The following TLK2 variants were observed in gnomAD, a reference collection of about 807,000 sequenced individuals.
TLK2 encodes the protein serine/threonine-protein kinase tousled-like 2.
Under a neutral mutation model 117.3 loss-of-function variants are expected in TLK2, and 6 were observed. The observed-to-expected ratio is 0.05, with a 90% CI of 0.03 to 0.10. The LOEUF (loss-of-function observed/expected upper bound fraction) is 0.10. Ranked by LOEUF, TLK2 falls within the 10% of genes least tolerant of loss-of-function variation. The pLI is 1.00. For missense variants in TLK2, 299 were observed against 901.2 expected (o/e 0.33, Z 8.56); for synonymous variants, 257 against 316.7 (o/e 0.81, Z 2.00).
At chr17:62,506,976 CT>C (rs2074748660) in intron 2 of TLK2, among the ~76,000 whole-genome samples, 1 of 152,060 alleles carries the variant, frequency 6.6e-6, no homozygotes, top group Non-Finnish European at 1.5e-5. Context: ...ACTGTAATAG[CT>C]CATTTTCCAC....
intron 7 of TLK2, among the ~76,000 whole-genome samples, chr17:62,549,418 A>AAAAAAAAG (rs2078229553): frequency 1.2e-3 from 10 of 8,536 alleles, no homozygotes; most frequent in African/African-American, 1.5e-3. Context: ...AAAAAAAAAA[A>AAAAAAAAG]AAAAAAAAAA....
intron 10 of TLK2, among the ~76,000 whole-genome samples, chr17:62,562,243 T>G (rs755759889): frequency 6.6e-6 from 1 of 152,090 alleles, no homozygotes; most frequent in Non-Finnish European, 1.5e-5. Flanking sequence ...GCCTGTAATC[T>G]TAGCTACTCT....
chr17:62,475,288 TTC>T (rs1381888908), upstream of TLK2, among the ~76,000 whole-genome samples: 15 of 152,152 alleles, frequency 9.9e-5, no homozygotes, highest in African/African-American at 3.4e-4. Context: ...TGGAACCCAG[TTC>T]TGTCATACCA....
intron 19 of TLK2, 109 bp from the exon 20 acceptor site, chr17:62,606,021 A>C (rs2083272308): frequency 4.1e-6 from 2 of 482,110 alleles, no homozygotes; most frequent in Non-Finnish European, 6.8e-6. Flanking sequence ...AAAAAAAAAA[A>C]AAAAACGATA....
intron 7 of TLK2, 189 bp from the exon 8 acceptor site, chr17:62,552,113 T>C: frequency 3.5e-6 from 3 of 852,190 alleles, no homozygotes; most frequent in East Asian, 5.5e-5. Flanking sequence ...TAAACCACCA[T>C]GTCCAGCCCT....
At chr17:62,559,859 A>G (rs1406430200) in intron 9 of TLK2, among the ~76,000 whole-genome samples, 157 bp from the exon 10 acceptor site, 1 of 152,224 alleles carries the variant, frequency 6.6e-6, no homozygotes, top group Non-Finnish European at 1.5e-5. Context: ...TGAATTATTT[A>G]CTTTTTCTAA....
intron 2 of TLK2, among the ~76,000 whole-genome samples, chr17:62,488,311 A>G (rs1301180235): frequency 2.0e-5 from 3 of 152,224 alleles, no homozygotes; most frequent in Admixed American, 1.3e-4. Context: ...ACTTCTGAAA[A>G]GGTATTTAAC....
intron 2 of TLK2, among the ~76,000 whole-genome samples, chr17:62,497,176 A>G (rs1291601510): frequency 2.0e-5 from 3 of 151,950 alleles, no homozygotes; most frequent in Non-Finnish European, 4.4e-5. Flanking sequence ...AAGTGAGAGG[A>G]TTACCTGAGT....
intron 6 of TLK2, among the ~76,000 whole-genome samples, chr17:62,529,750 A>G (rs2076614690): frequency 1.3e-5 from 2 of 152,060 alleles, no homozygotes; most frequent in Non-Finnish European, 2.9e-5. Flanking sequence ...TAGATATATC[A>G]TTGTTTAATG....
rs754425170 is a variant in TLK2, at chr17:62,562,098, G to A, written c.831+1972G>A. On this transcript the variant is annotated intron_variant, in intron 10 of 21. Coordinates refer to ENST00000346027, the MANE Select transcript of TLK2 (RefSeq NM_006852.6). ...AAATGGACTGGGTGTGGTGGCTCAC[G>A]CCTGTAATCCCAGCACTTTGGGAGG... Among the ~76,000 whole-genome samples the A allele has an allele frequency of 5.9e-5, 9 of 152,120 alleles. No individual in the cohort carries two copies. In the South Asian group the frequency reaches 6.2e-4, roughly 11 times the overall value.
intron 17 of TLK2, among the ~76,000 whole-genome samples, chr17:62,599,290 T>G (rs1343119988): frequency 6.6e-6 from 1 of 152,198 alleles, no homozygotes; most frequent in East Asian, 1.9e-4. Flanking sequence ...CATAAGATAT[T>G]GTTCAGTTTG....
At position 62,574,661 on chromosome 17, in the gene TLK2, G is replaced by A. The variant is rs374563838; in HGVS notation, c.1121+1294G>A. Among the ~76,000 whole-genome samples the A allele has an allele frequency of 3.3e-5, 5 of 151,952 alleles. No homozygotes were observed. The East Asian group carries it at 5.8e-4, about 18-fold the overall frequency. The stretch of plus-strand genomic sequence containing the variant: ...CTCCTGAGTAGCTGGGACTACAGGC[G>A]TGCACCACCATGCCCAGCTAGTTTT... On this transcript the variant is annotated intron_variant, in intron 12 of 21. Transcript: ENST00000346027.
chr17:62,584,145 C>A (rs568599972), intron 15 of TLK2, among the ~76,000 whole-genome samples: 1 of 120,482 alleles, frequency 8.3e-6, no homozygotes, highest in South Asian at 2.8e-4. Flanking sequence ...TACGGAATCT[C>A]GCTCTGTCGC....
At chr17:62,494,234 C>T (rs964811436) in intron 2 of TLK2, among the ~76,000 whole-genome samples, 11 of 152,078 alleles carry the variant, frequency 7.2e-5, no homozygotes, top group African/African-American at 2.4e-4. Context: ...AGGCGTGTGC[C>T]GTCACGCCTG....
chr17:62,593,157 T>C (rs2082202803), intron 16 of TLK2, among the ~76,000 whole-genome samples: 4 of 152,160 alleles, frequency 2.6e-5, no homozygotes, highest in Non-Finnish European at 4.4e-5. Flanking sequence ...TTACTAATTG[T>C]GTATCTAAGC....
intron 12 of TLK2, among the ~76,000 whole-genome samples, chr17:62,574,669 C>T (rs2080625363): frequency 6.6e-6 from 1 of 152,102 alleles, no homozygotes; most frequent in South Asian, 2.1e-4. Flanking sequence ...GCGTGCACCA[C>T]CATGCCCAGC....
chr17:62,587,500 C>G (rs572075861), intron 16 of TLK2, among the ~76,000 whole-genome samples: 1 of 152,162 alleles, frequency 6.6e-6, no homozygotes, highest in Non-Finnish European at 1.5e-5. Flanking sequence ...TAGTTGGCTT[C>G]TAGCCTGGTC....
chr17:62,545,232 G>A (rs544412351), intron 7 of TLK2, among the ~76,000 whole-genome samples: 1 of 152,212 alleles, frequency 6.6e-6, no homozygotes, highest in East Asian at 1.9e-4. Context: ...TCACCATGTT[G>A]ACCAGGCTGG....
chr17:62,609,502 G>A (rs1037175636), intron 21 of TLK2, among the ~76,000 whole-genome samples: 2 of 152,200 alleles, frequency 1.3e-5, no homozygotes, highest in Non-Finnish European at 2.9e-5. Context: ...CATGTCACAG[G>A]GTAAGAATTA....
Sources: allele counts gnomAD v4.1 joint callset (sites outside exome capture counted in the v4.1 genomes callset), GRCh38; gene constraint gnomAD v4.1.1; transcripts MANE v1.5; gene names NCBI Gene and HGNC (gene_info 2026-07-23, HGNC 2026-07-21).